Variants in RBFOX1 observed in about 807,000 individuals in gnomAD.
The protein encoded by RBFOX1 is RNA binding protein fox-1 homolog 1.
RBFOX1 carries 8 observed loss-of-function variants against 57.7 expected under a neutral mutation model. The observed-to-expected ratio is 0.14, with a 90% CI of 0.08 to 0.25. RBFOX1 has a LOEUF of 0.25. Among genes scored for constraint, RBFOX1 ranks in the 10% least tolerant of loss-of-function variants. RBFOX1 has a pLI of 1.00. For missense variants in RBFOX1, 611 were observed against 548.5 expected (o/e 1.11, Z -1.14); for synonymous variants, 326 against 222.4 (o/e 1.47, Z -4.15).
chr16:5,500,103 C>T (rs1020747916), intron 2 of RBFOX1, among the ~76,000 whole-genome samples: 6 of 132,996 alleles, frequency 4.5e-5, no homozygotes, highest in African/African-American at 2.2e-4. Flanking sequence ...CCATTCCCTC[C>T]CTTCCCTCCC....
At chr16:7,196,977 C>G (rs764621529) in intron 4 of RBFOX1, among the ~76,000 whole-genome samples, 7 of 152,152 alleles carry the variant, frequency 4.6e-5, no homozygotes, top group African/African-American at 1.4e-4. Context: ...TCTTTGCACG[C>G]AAGTCTGGGT....
At chr16:7,329,400 C>T (rs2096654847) in intron 4 of RBFOX1, among the ~76,000 whole-genome samples, 1 of 152,158 alleles carries the variant, frequency 6.6e-6, no homozygotes, top group Non-Finnish European at 1.5e-5. Flanking sequence ...TGCCATGAAC[C>T]ATGTGCACTG....
chr16:5,657,622 C>CTCTT (rs913576502), intron 3 of RBFOX1, among the ~76,000 whole-genome samples: 106 of 103,044 alleles, frequency 1.0e-3, no homozygotes, highest in Middle Eastern at 8.9e-3. Flanking sequence ...CTTTCTTTCT[C>CTCTT]TCTTTCTTTC....
intron 2 of RBFOX1, among the ~76,000 whole-genome samples, chr16:6,629,407 C>T (rs1567953307): frequency 6.6e-6 from 1 of 152,200 alleles, no homozygotes. Context: ...CCAACAGCTA[C>T]AATTTTTCAA....
At chr16:6,884,205 T>A (rs994979279) in intron 3 of RBFOX1, among the ~76,000 whole-genome samples, 1 of 152,152 alleles carries the variant, frequency 6.6e-6, no homozygotes, top group African/African-American at 2.4e-5. Flanking sequence ...TCCTGGCTCA[T>A]GTGCAGTCAG....
At chr16:6,740,736 A>T (rs2071802934) in intron 3 of RBFOX1, among the ~76,000 whole-genome samples, 1 of 152,236 alleles carries the variant, frequency 6.6e-6, no homozygotes, top group African/African-American at 2.4e-5. Flanking sequence ...AAATAGATGG[A>T]AAAGCACAGT....
intron 3 of RBFOX1, among the ~76,000 whole-genome samples, chr16:6,660,052 T>G (rs1319775730): frequency 1.3e-5 from 2 of 151,484 alleles, no homozygotes; most frequent in Non-Finnish European, 2.9e-5. Context: ...TAGTGAAACA[T>G]CATCTCTACC....
chr16:5,318,564 C>T lies in RBFOX1; in HGVS notation c.219+78459C>T, dbSNP rs187388450. Among the ~76,000 whole-genome samples the T allele has an allele frequency of 4.7e-5, 7 of 150,072 alleles. No individual in the cohort carries two copies. In the East Asian group the frequency reaches 1.2e-3, roughly 26 times the overall value. On this transcript the variant is annotated intron_variant, in intron 1 of 2. Coordinates refer to the RBFOX1 transcript ENST00000585867. ...TTATTGAGTTAGAAATAAGAGCAAC[C>T]TATTTGCATTGACTTATACCAAAAA... is the stretch of plus-strand genomic sequence containing the variant.
intron 2 of RBFOX1, among the ~76,000 whole-genome samples, chr16:6,563,825 C>G (rs2097217479): frequency 6.7e-6 from 1 of 149,070 alleles, no homozygotes; most frequent in African/African-American, 2.5e-5. Flanking sequence ...GATCCTGTCT[C>G]CAAAAAAAAA....
At chr16:6,316,968 A>G (rs1419780474) in intron 1 of RBFOX1, 27 bp from the exon 2 acceptor site, 2 of 1,528,766 alleles carry the variant, frequency 1.3e-6, no homozygotes, top group East Asian at 2.4e-5. Context: ...TCTTGATACT[A>G]AAGTCATTCC....
chr16:7,372,620 A>G (rs1596719384), intron 4 of RBFOX1, among the ~76,000 whole-genome samples: 1 of 152,086 alleles, frequency 6.6e-6, no homozygotes, highest in African/African-American at 2.4e-5. Flanking sequence ...AATGTCTGCT[A>G]AGTGCACAGA....
At chr16:7,296,280 T>C (rs1334399693) in intron 4 of RBFOX1, among the ~76,000 whole-genome samples, 3 of 150,926 alleles carry the variant, frequency 2.0e-5, no homozygotes, top group Non-Finnish European at 4.4e-5. Context: ...TTTTTTTGCA[T>C]TTTCGTGTAA....
At chr16:5,526,489 A>T (rs1294338916) in intron 2 of RBFOX1, among the ~76,000 whole-genome samples, 1 of 152,084 alleles carries the variant, frequency 6.6e-6, no homozygotes, top group Non-Finnish European at 1.5e-5. Context: ...GGGTTTTACC[A>T]TGTTGACCAG....
chr16:7,218,665 T>TGTGTGTGTGC, intron 4 of RBFOX1, among the ~76,000 whole-genome samples: 1 of 151,188 alleles, frequency 6.6e-6, no homozygotes, highest in African/African-American at 2.4e-5. Context: ...TGTGTGTGTG[T>TGTGTGTGTGC]GTGTGTGTGT....
At chr16:5,387,416 G>A (rs777307833) in intron 1 of RBFOX1, among the ~76,000 whole-genome samples, 3 of 152,180 alleles carry the variant, frequency 2.0e-5, no homozygotes, top group Non-Finnish European at 4.4e-5. Context: ...ACAGACCTAG[G>A]CACCTTTGGC....
At chr16:6,558,709 G>C (rs74008206) in intron 2 of RBFOX1, among the ~76,000 whole-genome samples, 15,162 of 151,744 alleles carry the variant, frequency 0.1, 1,989 homozygotes, top group African/African-American at 0.3. Flanking sequence ...CATTCCCTCC[G>C]TCCGTCCCAC....
intron 7 of RBFOX1, among the ~76,000 whole-genome samples, chr16:7,588,033 G>A (rs564370145): frequency 6.6e-6 from 1 of 152,150 alleles, no homozygotes; most frequent in Non-Finnish European, 1.5e-5. Flanking sequence ...ACAAAAATTA[G>A]CTGGGTGTGG....
At chr16:6,621,987 G>A (rs143806335) in intron 2 of RBFOX1, among the ~76,000 whole-genome samples, 4 of 152,288 alleles carry the variant, frequency 2.6e-5, no homozygotes, top group African/African-American at 7.2e-5. Context: ...TGCTAGGTTC[G>A]TGTTAGCCAA....
intron 2 of RBFOX1, among the ~76,000 whole-genome samples, chr16:5,580,892 G>A (rs902343044): frequency 1.3e-5 from 2 of 152,154 alleles, no homozygotes; most frequent in African/African-American, 4.8e-5. Context: ...ATGCATCCAC[G>A]CTGGTCCTTC....
Sources: gnomAD v4.1 joint callset for allele counts (sites outside exome capture counted in the v4.1 genomes callset) on GRCh38, gnomAD v4.1.1 for gene constraint, MANE v1.5 for transcripts, NCBI Gene and HGNC (gene_info 2026-07-23, HGNC 2026-07-21) for gene names.